Variants in PPP1R9A observed in about 807,000 individuals in gnomAD.
PPP1R9A encodes the protein protein phosphatase 1 regulatory subunit 9A.
In PPP1R9A, 59 loss-of-function variants were observed where a neutral mutation model predicts 141.9. That is an observed-to-expected ratio of 0.42 (90% CI 0.34 to 0.52). The LOEUF is 0.52. PPP1R9A is among the 20% of genes least tolerant of loss of function. The pLI is 0.10. For missense variants in PPP1R9A, 1,444 were observed against 1,611.9 expected (o/e 0.90, Z 1.78); for synonymous variants, 500 against 569.7 (o/e 0.88, Z 1.74).
chr7:94,964,024 G>A (rs1025826173), intron 2 of PPP1R9A, among the ~76,000 whole-genome samples: 1 of 152,130 alleles, frequency 6.6e-6, no homozygotes, highest in African/African-American at 2.4e-5. Flanking sequence ...TTCCCTTGGG[G>A]ACACTGACTA....
intron 7 of PPP1R9A, among the ~76,000 whole-genome samples, chr7:95,216,708 T>C (rs1363180950): frequency 1.3e-5 from 2 of 152,182 alleles, no homozygotes; most frequent in South Asian, 2.1e-4. Context: ...GATTCCTAGG[T>C]ATTTTATTCT....
intron 2 of PPP1R9A, among the ~76,000 whole-genome samples, chr7:95,074,477 TTTG>T (rs377318487): frequency 0.34 from 46,860 of 138,370 alleles, 6,195 homozygotes; most frequent in Middle Eastern, 0.39. Flanking sequence ...TTTTTTTTTT[TTTG>T]TTGTTTTTTT....
chr7:94,912,458 C>G (rs1238492428), intron 2 of PPP1R9A, among the ~76,000 whole-genome samples: 1 of 152,098 alleles, frequency 6.6e-6, no homozygotes, highest in East Asian at 1.9e-4. Flanking sequence ...GTTATGGTGG[C>G]AGAATGTGTA....
At chr7:95,163,194 G>T (rs1177172660) in intron 5 of PPP1R9A, among the ~76,000 whole-genome samples, 1 of 152,168 alleles carries the variant, frequency 6.6e-6, no homozygotes, top group East Asian at 1.9e-4. Context: ...AGTTGGAAAA[G>T]AATTTGTAGT....
intron 2 of PPP1R9A, among the ~76,000 whole-genome samples, chr7:94,974,694 A>G (rs943202984): frequency 6.6e-6 from 1 of 152,214 alleles, no homozygotes; most frequent in Non-Finnish European, 1.5e-5. Flanking sequence ...CTCCTGGGAA[A>G]CGTACATAAA....
chr7:95,252,144 A>T lies in PPP1R9A; in HGVS notation c.2665+14A>T. Reference sequence around the variant, plus strand: ...GCCTAAGTCAAGGTTTGTTTAACCCAACCACAAAAATCATTTTTGATGACT... The same window carrying T: ...GCCTAAGTCAAGGTTTGTTTAACCCTACCACAAAAATCATTTTTGATGACT... On this transcript the variant is annotated intron_variant, in intron 12 of 19. Coordinates refer to ENST00000433360, the MANE Select transcript of PPP1R9A (RefSeq NM_001166160.2). 6.5e-7 allele frequency: 1 copy of T among 1,546,166 alleles called. No individual in the cohort carries two copies. The highest frequency in any genetic ancestry group is 8.7e-7 in the Non-Finnish European group (1 of 1,153,514).
At chr7:95,099,830 T>C (rs1263950817) in intron 2 of PPP1R9A, among the ~76,000 whole-genome samples, 4 of 152,140 alleles carry the variant, frequency 2.6e-5, no homozygotes, top group Non-Finnish European at 4.4e-5. Flanking sequence ...AAAAATACTT[T>C]TCAAGTATTT....
intron 7 of PPP1R9A, among the ~76,000 whole-genome samples, chr7:95,222,550 A>T (rs1241246238): frequency 6.6e-6 from 1 of 152,016 alleles, no homozygotes; most frequent in African/African-American, 2.4e-5. Flanking sequence ...AAAGGTAGGT[A>T]AAGACATGAA....
intron 5 of PPP1R9A, among the ~76,000 whole-genome samples, chr7:95,179,034 A>G (rs1833320088): frequency 6.6e-6 from 1 of 152,178 alleles, no homozygotes. Context: ...TGAAGCCGGC[A>G]TCACCCTAAT....
At chr7:95,105,279 T>G (rs1023566292) in intron 2 of PPP1R9A, among the ~76,000 whole-genome samples, 4 of 152,262 alleles carry the variant, frequency 2.6e-5, no homozygotes, top group Admixed American at 6.5e-5. Context: ...TATAAGATAA[T>G]GATTCTAGTT....
At chr7:95,262,717 C>A (rs1261135690) in intron 12 of PPP1R9A, among the ~76,000 whole-genome samples, 1 of 152,130 alleles carries the variant, frequency 6.6e-6, no homozygotes, top group Admixed American at 6.5e-5. Flanking sequence ...AACCAACTTA[C>A]ATTTTGAAGG....
chr7:95,180,545 A>G (rs1156886250), intron 5 of PPP1R9A, among the ~76,000 whole-genome samples: 1 of 152,234 alleles, frequency 6.6e-6, no homozygotes, highest in Non-Finnish European at 1.5e-5. Context: ...ATTAAACTAA[A>G]GAGATTTTGC....
intron 3 of PPP1R9A, among the ~76,000 whole-genome samples, chr7:95,116,890 T>G (rs1245364129): frequency 6.6e-6 from 1 of 152,208 alleles, no homozygotes. Context: ...ACACACATGA[T>G]ATTTCAGCTT....
At chr7:95,068,069 CA>C (rs371599501) in intron 2 of PPP1R9A, among the ~76,000 whole-genome samples, 2 of 150,956 alleles carry the variant, frequency 1.3e-5, no homozygotes, top group African/African-American at 2.4e-5. Context: ...AACAAACAAC[CA>C]AAAAAAAACT....
chr7:94,928,963 T>C (rs1793819430), intron 2 of PPP1R9A, among the ~76,000 whole-genome samples: 1 of 152,202 alleles, frequency 6.6e-6, no homozygotes, highest in Non-Finnish European at 1.5e-5. Flanking sequence ...GCAGGAAAGA[T>C]ACTGTGGATC....
rs576109298 is a variant in PPP1R9A, at chr7:95,171,782, C to T, written c.1754+9811C>T. ...CAACTCAACATATACTCTTTCAGAA[C>T]ATAGAAGATGGTATACTTCTCAACT... On this transcript the variant is annotated intron_variant, in intron 5 of 19. Transcript: ENST00000433360. Among the ~76,000 whole-genome samples the T allele has an allele frequency of 2.6e-5, 4 of 151,710 alleles. No homozygotes were observed. The South Asian group carries it at 8.3e-4, about 31-fold the overall frequency.
chr7:94,952,972 T>G (rs1278052821), intron 2 of PPP1R9A, among the ~76,000 whole-genome samples: 5 of 152,216 alleles, frequency 3.3e-5, no homozygotes, highest in Non-Finnish European at 5.9e-5. Flanking sequence ...CTGGAGCCCA[T>G]TTGTCAATTT....
Position 95,066,100 on chromosome 7 carries a change from G to A in PPP1R9A, c.1396-45159G>A, listed in dbSNP as rs140249011. Among the ~76,000 whole-genome samples, 51 of 152,300 alleles carry A rather than the reference G, an allele frequency of 3.3e-4. No homozygotes were observed. The East Asian group carries it at 7.7e-3, about 23-fold the overall frequency. ...CAGAATGTGACTGAATTTGGACACG[G>A]TGAAGTTAAAATGAGGCCTTTTGGA... On this transcript the variant is annotated intron_variant, in intron 2 of 19. Transcript: ENST00000433360.
chr7:95,010,539 G>T (rs953249775), intron 2 of PPP1R9A, among the ~76,000 whole-genome samples: 1 of 151,926 alleles, frequency 6.6e-6, no homozygotes, highest in Non-Finnish European at 1.5e-5. Flanking sequence ...ATTTTACTTG[G>T]TCTTTTTGGT....
Sources: allele counts gnomAD v4.1 joint callset (sites outside exome capture counted in the v4.1 genomes callset), GRCh38; gene constraint gnomAD v4.1.1; transcripts MANE v1.5; gene names NCBI Gene and HGNC (gene_info 2026-07-23, HGNC 2026-07-21).